Variants in OGDH observed in about 807,000 individuals in gnomAD.
OGDH encodes oxoglutarate dehydrogenase.
OGDH carries 38 observed loss-of-function variants against 116.6 expected under a neutral mutation model. That is an observed-to-expected ratio of 0.33 (90% CI 0.25 to 0.43). The LOEUF is 0.43. OGDH is among the 20% of genes least tolerant of loss of function. The pLI is 1.00. For synonymous variants in OGDH, 488 were observed against 533.3 expected, an observed-to-expected ratio of 0.92 and a Z score of 1.17; for missense variants, 825 against 1,357.2, an observed-to-expected ratio of 0.61 and a Z score of 6.16.
rs1315049880 is a variant in OGDH at position 44,693,869 on chromosome 7, C to T, written c.1380C>T (p.Tyr460=). Residue 460 remains tyrosine (Y), a synonymous_variant, in exon 11 of 23, where the codon TAC becomes TAT. Transcript: ENST00000222673. ...TDPRMARSSP[Y]PTDVARVVNA... The stretch of plus-strand genomic sequence containing the variant: ...CTCGGATGGCCCGCTCCTCCCCCTA[C>T]CCCACTGACGTGGCCCGAGTGGTGA... 1 of 1,611,312 alleles carries T rather than the reference C, an allele frequency of 6.2e-7. No homozygotes were observed. The highest frequency in any genetic ancestry group is 8.5e-7 in the Non-Finnish European group (1 of 1,177,954).
rs1322441308 is a variant in OGDH at position 44,671,471 on chromosome 7, ATATCT to A, written c.634-2313_634-2309del. ...TGGGGGAACAAACGGGTTAATAAAA[ATATCT>A]TAAATAGCCGGGCGCGGTGGCTCAC... is the stretch of plus-strand genomic sequence containing the variant. On this transcript the variant is annotated intron_variant, in intron 5 of 22. Coordinates refer to ENST00000222673, the MANE Select transcript of OGDH (RefSeq NM_002541.4). Among the ~76,000 whole-genome samples, 6 of 152,166 alleles carry A rather than the reference ATATCT, an allele frequency of 3.9e-5. 1 individual carries two copies. In the South Asian group the frequency reaches 6.2e-4, roughly 16 times the overall value.
intron 3 of OGDH, among the ~76,000 whole-genome samples, chr7:44,647,131 T>G (rs1003473906): frequency 2.0e-5 from 3 of 152,198 alleles, no homozygotes; most frequent in African/African-American, 7.2e-5. Flanking sequence ...GGCTTCACAT[T>G]GGAGTAAGAA....
rs1275357487 is a variant in OGDH at position 44,693,924 on chromosome 7, G to A, written c.1435G>A (p.Asp479Asn). The change falls in exon 11 of 23, where the codon GAC becomes AAC. Residue 479 changes from aspartate (D) to asparagine (N), a missense_variant. Transcript: ENST00000222673. ...NAPIFHVNSD[D>N]PEAVMYVCKV... ...CCCCATTTTCCACGTGAACTCAGAT[G>A]ACCCCGAGGCTGTCATGTACGTGTG... 5 of 1,614,132 alleles carry A rather than the reference G, an allele frequency of 3.1e-6. No individual in the cohort carries two copies. The highest frequency in any genetic ancestry group is 3.3e-5 in the Admixed American group (2 of 60,012).
chr7:44,634,436 A>G (rs1477836552), intron 2 of OGDH, among the ~76,000 whole-genome samples: 2 of 152,204 alleles, frequency 1.3e-5, no homozygotes, highest in Non-Finnish European at 2.9e-5. Context: ...CTAGTGCAGA[A>G]TCCCAGCAAA....
chr7:44,674,267 A>T (rs920377762), intron 6 of OGDH, 144 bp from the exon 7 acceptor site: 1 of 934,986 alleles, frequency 1.1e-6, no homozygotes, highest in African/African-American at 1.7e-5. Flanking sequence ...CTGGTCTCGA[A>T]CTCCTGACCT....
rs1789108952 is a variant in OGDH, at chr7:44,707,008, T to G, written c.2633-217T>G. On this transcript the variant is annotated intron_variant, in intron 20 of 22. Coordinates refer to ENST00000222673, the MANE Select transcript of OGDH (RefSeq NM_002541.4). The surrounding 1 kb of genome is among the most constrained non-coding windows in gnomAD (Gnocchi z 5.2). ...CCTGGTGTTACTTGATACCCAGAGC[T>G]GGCCATGTCTGCTGTGTATTTGTTA... is the stretch of plus-strand genomic sequence containing the variant. Among the ~76,000 whole-genome samples, 1 of 152,228 alleles carries G rather than the reference T, an allele frequency of 6.6e-6. No individual in the cohort carries two copies. Among genetic ancestry groups the G allele is most frequent in the Admixed American group, 6.5e-5 (1 of 15,282 alleles).
intron 1 of OGDH, among the ~76,000 whole-genome samples, chr7:44,612,585 A>G (rs773952948): frequency 1.3e-4 from 19 of 151,802 alleles, no homozygotes; most frequent in Non-Finnish European, 2.4e-4. Flanking sequence ...GGGTTTCACC[A>G]TGTTGGCCAG....
chr7:44,696,872 AGGCAGG>A, intron 14 of OGDH, 36 bp from the exon 15 acceptor site: 3 of 1,562,356 alleles, frequency 1.9e-6, no homozygotes, highest in Non-Finnish European at 2.6e-6. Context: ...AGGCATGTGC[AGGCAGG>A]GCCTGCAGCA....
chr7:44,678,041 A>G (rs1390516670), intron 9 of OGDH, among the ~76,000 whole-genome samples: 2 of 152,094 alleles, frequency 1.3e-5, no homozygotes, highest in Non-Finnish European at 2.9e-5. Flanking sequence ...GCATCGATCA[A>G]TGCTCACTGT....
At chr7:44,647,392 C>A in intron 3 of OGDH, 1 of 1,271,576 alleles carries the variant, frequency 7.9e-7, no homozygotes, top group Non-Finnish European at 1.1e-6. Context: ...TTTTAACCCT[C>A]CCCACAGCTC....
intron 4 of OGDH, among the ~76,000 whole-genome samples, chr7:44,653,092 A>T (rs1261299352): frequency 6.6e-6 from 1 of 151,392 alleles, no homozygotes; most frequent in Non-Finnish European, 1.5e-5. Context: ...GGTTTTTTTT[A>T]ATTATTATTT....
At chr7:44,680,781 A>G (rs1787897768) in intron 9 of OGDH, among the ~76,000 whole-genome samples, 1 of 152,176 alleles carries the variant, frequency 6.6e-6, no homozygotes, top group Non-Finnish European at 1.5e-5. Context: ...CATGGAAGCT[A>G]CAATGTTCTG....
chr7:44,643,503 C>T (rs1786041055), intron 2 of OGDH, among the ~76,000 whole-genome samples: 1 of 152,196 alleles, frequency 6.6e-6, no homozygotes, highest in Admixed American at 6.5e-5. Flanking sequence ...ATGGTCCAGG[C>T]CTGTGCATTA....
chr7:44,682,219 G>A (rs544384278), intron 10 of OGDH, among the ~76,000 whole-genome samples: 123 of 151,608 alleles, frequency 8.1e-4, no homozygotes, highest in Middle Eastern at 3.4e-3. Context: ...GTGAAACCCC[G>A]TCTCTGCTAA....
intron 2 of OGDH, among the ~76,000 whole-genome samples, chr7:44,625,365 T>C (rs1785165322): frequency 6.6e-6 from 1 of 152,234 alleles, no homozygotes; most frequent in Admixed American, 6.5e-5. Context: ...CCTCAAGTGA[T>C]CCACCCACCT....
chr7:44,653,539 T>C (rs146644351), intron 4 of OGDH, among the ~76,000 whole-genome samples: 2 of 152,376 alleles, frequency 1.3e-5, no homozygotes, highest in East Asian at 3.9e-4. Context: ...GTTGTTGTTT[T>C]GTTTTTTGAG....
intron 2 of OGDH, among the ~76,000 whole-genome samples, chr7:44,633,062 G>T (rs1785511541): frequency 6.6e-6 from 1 of 150,864 alleles, no homozygotes; most frequent in South Asian, 2.1e-4. Flanking sequence ...GACCATCCTG[G>T]CTAACATGGT....
intron 2 of OGDH, among the ~76,000 whole-genome samples, chr7:44,635,384 A>G (rs1195669202): frequency 1.3e-5 from 2 of 152,188 alleles, no homozygotes; most frequent in Non-Finnish European, 2.9e-5. Context: ...CAGCTGTGCG[A>G]GGGCCTTTGA....
chr7:44,706,780 C>G (rs900626502), intron 20 of OGDH, among the ~76,000 whole-genome samples: 1 of 151,658 alleles, frequency 6.6e-6, no homozygotes, highest in Non-Finnish European at 1.5e-5. Context: ...ACCACCATGC[C>G]TGGCTCATTT....
Sources: gnomAD v4.1 joint callset for allele counts (sites outside exome capture counted in the v4.1 genomes callset) on GRCh38, gnomAD v4.1.1 for gene constraint, Gnocchi (gnomAD v3.1) non-coding constraint, MANE v1.5 for transcripts, NCBI Gene and HGNC (gene_info 2026-07-23, HGNC 2026-07-21) for gene names.